The following CSMD3 variants were observed in gnomAD, a reference collection of about 807,000 sequenced individuals.
CSMD3 encodes CUB and Sushi multiple domains 3.
Under a neutral mutation model 435.2 loss-of-function variants are expected in CSMD3, and 177 were observed. The observed-to-expected ratio is 0.41, with a 90% CI of 0.36 to 0.46. CSMD3 has a LOEUF of 0.46. Ranked by LOEUF, CSMD3 falls within the 20% of genes least tolerant of loss-of-function variation. The probability of loss-of-function intolerance (pLI) is 0.34; values close to 1 mark genes in which losing one functional copy is unlikely to be tolerated. For synonymous variants in CSMD3, 1,656 were observed against 1,520.5 expected (o/e 1.09, Z -2.07); for missense variants, 4,265 against 4,504.6 (o/e 0.95, Z 1.52).
chr8:112,295,167 A>C (rs963908921), intron 54 of CSMD3, among the ~76,000 whole-genome samples: 12 of 152,150 alleles, frequency 7.9e-5, no homozygotes, highest in Non-Finnish European at 1.5e-4. Flanking sequence ...ACATATGTGT[A>C]ATCTTGATAT....
chr8:113,225,463 T>C (rs2093015922), intron 3 of CSMD3, among the ~76,000 whole-genome samples: 2 of 151,490 alleles, frequency 1.3e-5, no homozygotes, highest in African/African-American at 4.8e-5. Context: ...AGTTTAGCTT[T>C]TAAGGAACTG....
At chr8:112,774,646 T>C (rs1298325058) in intron 13 of CSMD3, among the ~76,000 whole-genome samples, 1 of 152,028 alleles carries the variant, frequency 6.6e-6, no homozygotes, top group African/African-American at 2.4e-5. Context: ...TTATCCCCTA[T>C]ACTTCAATGC....
At chr8:113,031,350 G>A (rs569872284) in intron 5 of CSMD3, among the ~76,000 whole-genome samples, 66 of 151,704 alleles carry the variant, frequency 4.4e-4, no homozygotes, top group Non-Finnish European at 7.8e-4. Context: ...ACAACAACTT[G>A]CATAAATCTC....
intron 32 of CSMD3, among the ~76,000 whole-genome samples, chr8:112,472,089 C>A (rs1818574824): frequency 6.6e-6 from 1 of 152,104 alleles, no homozygotes; most frequent in Non-Finnish European, 1.5e-5. Flanking sequence ...CTGAAATGTC[C>A]TTTGCTGTCT....
intron 1 of CSMD3, among the ~76,000 whole-genome samples, chr8:113,433,360 G>C (rs1288749767): frequency 1.3e-5 from 2 of 152,182 alleles, no homozygotes; most frequent in African/African-American, 4.8e-5. Flanking sequence ...ACGCGGGGCT[G>C]AAAGCTCCGG....
intron 2 of CSMD3, among the ~76,000 whole-genome samples, chr8:113,280,552 C>A (rs1305426640): frequency 1.3e-5 from 2 of 151,808 alleles, no homozygotes; most frequent in East Asian, 3.8e-4. Context: ...GATTTCTTCT[C>A]TTTTCTTGGT....
chr8:112,379,691 A>G (rs1006486039), intron 38 of CSMD3, among the ~76,000 whole-genome samples: 8 of 152,220 alleles, frequency 5.3e-5, no homozygotes, highest in African/African-American at 1.9e-4. Context: ...ATATGGAACC[A>G]CAAAAGATCT....
intron 15 of CSMD3, among the ~76,000 whole-genome samples, chr8:112,683,868 C>T (rs886989525): frequency 7.9e-5 from 12 of 151,552 alleles, no homozygotes; most frequent in East Asian, 7.8e-4. Context: ...TATTAAGGTA[C>T]GTTTTAGAAT....
chr8:113,035,957 C>A (rs1260256539), intron 5 of CSMD3, among the ~76,000 whole-genome samples: 1 of 151,918 alleles, frequency 6.6e-6, no homozygotes, highest in Non-Finnish European at 1.5e-5. Context: ...TCAATACATT[C>A]CATTCCCATA....
chr8:112,949,749 T>C (rs1053364034), intron 8 of CSMD3, among the ~76,000 whole-genome samples: 1 of 152,040 alleles, frequency 6.6e-6, no homozygotes, highest in Non-Finnish European at 1.5e-5. Flanking sequence ...AAATCTCCAA[T>C]TATTCTAGAT....
Position 112,314,621 on chromosome 8 carries a change from T to C in CSMD3, c.7361-4A>G. Reference sequence around the variant, plus strand: ...AATTCATTGGCAGGACAGAGCACTGTCAAAGAAAAATGTCATTAAATAATG... The same window carrying C: ...AATTCATTGGCAGGACAGAGCACTGCCAAAGAAAAATGTCATTAAATAATG... On this transcript the variant is annotated splice_region_variant and splice_polypyrimidine_tract_variant and intron_variant, in intron 47 of 70. Transcript: ENST00000297405. 1 of 1,607,164 alleles carries C rather than the reference T, an allele frequency of 6.2e-7. No individual in the cohort carries two copies.
At chr8:112,449,962 T>G (rs1038349752) in intron 32 of CSMD3, among the ~76,000 whole-genome samples, 3 of 152,096 alleles carry the variant, frequency 2.0e-5, no homozygotes, top group Non-Finnish European at 4.4e-5. Context: ...GACCTCAGCT[T>G]ATCCACCCGC....
intron 5 of CSMD3, chr8:113,098,419 T>C (rs570378249): frequency 1.4e-4 from 40 of 295,168 alleles, no homozygotes; most frequent in African/African-American, 8.4e-4. Context: ...TAACAAGGTA[T>C]ATAACAAGTC....
intron 1 of CSMD3, among the ~76,000 whole-genome samples, chr8:113,328,094 C>CACAG (rs1310572206): frequency 6.6e-6 from 1 of 151,318 alleles, no homozygotes; most frequent in Non-Finnish European, 1.5e-5. Flanking sequence ...CACAGACACA[C>CACAG]ACAGACACAC....
chr8:112,573,682 A>G, intron 23 of CSMD3, 25 bp from the exon 24 acceptor site: 2 of 1,506,290 alleles, frequency 1.3e-6, no homozygotes, highest in Non-Finnish European at 1.8e-6. Flanking sequence ...TATAATTAAA[A>G]TGTAAATGTG....
At chr8:112,701,559 TG>T (rs1284678300) in intron 13 of CSMD3, among the ~76,000 whole-genome samples, 2 of 152,126 alleles carry the variant, frequency 1.3e-5, no homozygotes, top group Non-Finnish European at 2.9e-5. Context: ...AAGGATACCT[TG>T]AGTCCACTGT....
At chr8:112,843,638 C>A (rs2132542078) in intron 11 of CSMD3, among the ~76,000 whole-genome samples, 1 of 151,914 alleles carries the variant, frequency 6.6e-6, no homozygotes, top group African/African-American at 2.4e-5. Flanking sequence ...GGACTAGACA[C>A]ATCTTTGCTG....
chr8:112,600,996 C>A (rs2131416611), intron 22 of CSMD3, among the ~76,000 whole-genome samples: 1 of 152,040 alleles, frequency 6.6e-6, no homozygotes, highest in South Asian at 2.1e-4. Flanking sequence ...CTTCTCTAGA[C>A]CCTGTGAAAA....
chr8:112,958,610 C>T (rs1224589001), intron 7 of CSMD3, among the ~76,000 whole-genome samples: 2 of 152,150 alleles, frequency 1.3e-5, no homozygotes, highest in Admixed American at 6.5e-5. Flanking sequence ...TATTGATTGA[C>T]TCTTACTTAA....
Sources: gnomAD v4.1 joint callset for allele counts (sites outside exome capture counted in the v4.1 genomes callset) on GRCh38, gnomAD v4.1.1 for gene constraint, MANE v1.5 for transcripts, NCBI Gene and HGNC (gene_info 2026-07-23, HGNC 2026-07-21) for gene names.